PLXDC2: variants seen among roughly 807,000 people sequenced by gnomAD.
The protein encoded by PLXDC2 is plexin domain containing 2.
Under a neutral mutation model 68.9 loss-of-function variants are expected in PLXDC2, and 40 were observed. That is an observed-to-expected ratio of 0.58 (90% CI 0.45 to 0.76). PLXDC2 has a LOEUF of 0.76. Ranked by LOEUF, PLXDC2 falls within the 30% of genes least tolerant of loss-of-function variation. PLXDC2 has a pLI of 0.00. For missense variants in PLXDC2, 644 were observed against 661.9 expected (o/e 0.97, Z 0.30); for synonymous variants, 243 against 234.2 (o/e 1.04, Z -0.34).
intron 1 of PLXDC2, among the ~76,000 whole-genome samples, chr10:19,957,779 G>T (rs1834094783): frequency 6.6e-6 from 1 of 152,056 alleles, no homozygotes; most frequent in South Asian, 2.1e-4. Context: ...AATACATGTT[G>T]CTAAACTGTC....
chr10:20,232,333 T>A (rs1387905482), intron 12 of PLXDC2, among the ~76,000 whole-genome samples: 1 of 152,054 alleles, frequency 6.6e-6, no homozygotes, highest in Non-Finnish European at 1.5e-5. Flanking sequence ...TCTGTCCTTT[T>A]AAGCCAGGAA....
At chr10:20,170,878 A>T (rs1013644188) in intron 7 of PLXDC2, among the ~76,000 whole-genome samples, 5 of 151,826 alleles carry the variant, frequency 3.3e-5, no homozygotes, top group African/African-American at 1.2e-4. Flanking sequence ...AATTAAATAA[A>T]ATATTAAATG....
intron 1 of PLXDC2, among the ~76,000 whole-genome samples, chr10:19,900,053 G>A (rs1460490333): frequency 6.6e-6 from 1 of 152,046 alleles, no homozygotes; most frequent in African/African-American, 2.4e-5. Flanking sequence ...TTTCAATTTG[G>A]CCACATTATT....
At chr10:20,220,898 A>G (rs1006868094) in intron 12 of PLXDC2, among the ~76,000 whole-genome samples, 3 of 130,064 alleles carry the variant, frequency 2.3e-5, no homozygotes, top group Admixed American at 1.9e-4. Context: ...GCTGGAGTGT[A>G]GTGGCACAAT....
chr10:20,049,643 A>C (rs1835858404), intron 3 of PLXDC2, among the ~76,000 whole-genome samples: 1 of 152,248 alleles, frequency 6.6e-6, no homozygotes, highest in African/African-American at 2.4e-5. Flanking sequence ...CTAGTAATAC[A>C]GCTAACCAGG....
At chr10:19,818,439 C>A (rs1232658605) in intron 1 of PLXDC2, among the ~76,000 whole-genome samples, 1 of 152,030 alleles carries the variant, frequency 6.6e-6, no homozygotes, top group Non-Finnish European at 1.5e-5. Context: ...AGAAGACAGT[C>A]ACAACACTTC....
At chr10:19,996,708 G>A (rs1165996583) in intron 1 of PLXDC2, among the ~76,000 whole-genome samples, 3 of 152,152 alleles carry the variant, frequency 2.0e-5, no homozygotes, top group Non-Finnish European at 4.4e-5. Context: ...GTGAAACTGG[G>A]TAATTTATAC....
intron 1 of PLXDC2, among the ~76,000 whole-genome samples, chr10:19,944,589 G>C (rs140164131): frequency 9.2e-5 from 14 of 152,278 alleles, no homozygotes; most frequent in African/African-American, 3.4e-4. Flanking sequence ...GCTACCATGT[G>C]ACTGAAGAAG....
chr10:20,032,960 C>T (rs928716415), intron 2 of PLXDC2, among the ~76,000 whole-genome samples: 1 of 143,778 alleles, frequency 7.0e-6, no homozygotes, highest in Admixed American at 7.6e-5. Flanking sequence ...TGCATGTTCT[C>T]ACTCTTGGTG....
intron 4 of PLXDC2, among the ~76,000 whole-genome samples, chr10:20,069,222 T>A (rs560518977): frequency 6.6e-6 from 1 of 152,266 alleles, no homozygotes; most frequent in South Asian, 2.1e-4. Flanking sequence ...AGATTTGTAA[T>A]CAGAAATATC....
At chr10:19,902,412 T>G (rs1225997395) in intron 1 of PLXDC2, among the ~76,000 whole-genome samples, 4 of 151,950 alleles carry the variant, frequency 2.6e-5, no homozygotes, top group Non-Finnish European at 5.9e-5. Context: ...CATTCCTAAG[T>G]ATTTTATTTT....
chr10:19,843,352 G>A (rs535402496), intron 1 of PLXDC2, among the ~76,000 whole-genome samples: 1 of 152,156 alleles, frequency 6.6e-6, no homozygotes, highest in African/African-American at 2.4e-5. Flanking sequence ...TTATTCTCAT[G>A]TTCTTTATTT....
chr10:19,874,370 G>A (rs1837595923), intron 1 of PLXDC2, among the ~76,000 whole-genome samples: 1 of 152,086 alleles, frequency 6.6e-6, no homozygotes, highest in South Asian at 2.1e-4. Context: ...ACTGAGGGGA[G>A]CAACTCACTT....
At chr10:20,162,069 AGAG>A (rs1834304631) in intron 6 of PLXDC2, among the ~76,000 whole-genome samples, 14 of 28,904 alleles carry the variant, frequency 4.8e-4, no homozygotes, top group Non-Finnish European at 1.1e-3. Flanking sequence ...AGAGAGAGAG[AGAG>A]AAGGAAGGAA....
At chr10:20,184,088 A>G (rs1038974728) in intron 9 of PLXDC2, among the ~76,000 whole-genome samples, 1 of 151,924 alleles carries the variant, frequency 6.6e-6, no homozygotes, top group African/African-American at 2.4e-5. Context: ...GAATAGTAGT[A>G]TCACATAATT....
At chr10:20,231,386 G>T (rs906068463) in intron 12 of PLXDC2, among the ~76,000 whole-genome samples, 2 of 151,228 alleles carry the variant, frequency 1.3e-5, no homozygotes, top group African/African-American at 4.8e-5. Context: ...ACCAAAATTT[G>T]TAGAATGCTG....
chr10:19,926,069 G>A (rs1325861419), intron 1 of PLXDC2, among the ~76,000 whole-genome samples: 1 of 152,146 alleles, frequency 6.6e-6, no homozygotes, highest in Non-Finnish European at 1.5e-5. Flanking sequence ...AGGACAAATA[G>A]GAGTAAACAA....
At chr10:19,887,015 G>C (rs965106343) in intron 1 of PLXDC2, among the ~76,000 whole-genome samples, 2 of 152,260 alleles carry the variant, frequency 1.3e-5, no homozygotes, top group East Asian at 3.9e-4. Flanking sequence ...ATTATGAAAA[G>C]AGTTTTTGAC....
intron 1 of PLXDC2, among the ~76,000 whole-genome samples, chr10:19,936,969 C>T (rs1833735630): frequency 6.6e-6 from 1 of 152,160 alleles, no homozygotes; most frequent in East Asian, 1.9e-4. Context: ...ATATCGAGAG[C>T]TCATCTCAGC....
Sources: gnomAD v4.1 joint callset for allele counts (sites outside exome capture counted in the v4.1 genomes callset) on GRCh38, gnomAD v4.1.1 for gene constraint, MANE v1.5 for transcripts, NCBI Gene and HGNC (gene_info 2026-07-23, HGNC 2026-07-21) for gene names.